CD163L1: variants seen among roughly 807,000 people sequenced by gnomAD.
The protein encoded by CD163L1 is CD163 molecule like 1.
CD163L1 carries 124 observed loss-of-function variants against 165.4 expected under a neutral mutation model. The ratio of observed to expected loss-of-function variants is 0.75; its 90% confidence interval spans 0.65 to 0.87. The LOEUF is 0.87. Ranked by LOEUF, CD163L1 falls within the 40% of genes least tolerant of loss-of-function variation. CD163L1 has a pLI of 0.00. For missense variants in CD163L1, 1,525 were observed against 1,799.9 expected (o/e 0.85, Z 2.76); for synonymous variants, 585 against 662.2 (o/e 0.88, Z 1.79).
the CD163L1 span, among the ~76,000 whole-genome samples, chr12:7,321,724 G>A: frequency 6.6e-6 from 1 of 152,230 alleles, no homozygotes; most frequent in Non-Finnish European, 1.5e-5. Flanking sequence ...AGTAAGGCTA[G>A]TGGTTAAAAG....
At chr12:7,417,676 G>T (rs989431795) in intron 4 of CD163L1, among the ~76,000 whole-genome samples, 2 of 152,020 alleles carry the variant, frequency 1.3e-5, no homozygotes, top group African/African-American at 4.8e-5. Context: ...TAATCATGTG[G>T]TTTTTGTCAT....
the CD163L1 span, among the ~76,000 whole-genome samples, chr12:7,325,347 G>A: frequency 2.0e-5 from 3 of 152,204 alleles, no homozygotes; most frequent in African/African-American, 7.2e-5. Context: ...ACAGAAACAA[G>A]ACAAATAGAA....
In CD163L1 at chr12:7,403,565, G is replaced by A. The variant is rs779798186; in HGVS notation, c.1378C>T (p.Arg460Ter). Reference protein sequence around the residue: ...YDGKAKRTCFRRSDAGVICSD... With the variant: ...YDGKAKRTCF The stretch of plus-strand genomic sequence containing the variant: ...CAAATTACTCCAGCATCTGATCTTC[G>A]GAAGCATGTTCGCTTTGCTTTTCCA... The change falls in exon 6 of 20, where the codon CGA (arginine) becomes TGA (stop). Residue 460 changes from arginine to a stop codon, truncating the protein, a stop_gained. Transcript: ENST00000313599. LOFTEE classifies it high-confidence loss of function. The A allele has an allele frequency of 6.8e-6, 11 of 1,613,406 alleles. No homozygotes were observed. Among genetic ancestry groups the A allele is most frequent in the Admixed American group, 5.0e-5 (3 of 59,898 alleles).
chr12:7,365,207 A>G (rs1488641643), intron 18 of CD163L1, among the ~76,000 whole-genome samples: 6 of 152,064 alleles, frequency 3.9e-5, no homozygotes, highest in African/African-American at 9.7e-5. Flanking sequence ...GGAAAACTGG[A>G]TAACCACATG....
chr12:7,353,890 A>G (rs1023281104), downstream of CD163L1, among the ~76,000 whole-genome samples: 3 of 152,112 alleles, frequency 2.0e-5, no homozygotes, highest in African/African-American at 7.2e-5. Context: ...TGAAATATAT[A>G]TTAATTGGCT....
At chr12:7,429,758 T>G (rs1948599204) in intron 4 of CD163L1, among the ~76,000 whole-genome samples, 2 of 152,170 alleles carry the variant, frequency 1.3e-5, no homozygotes, top group African/African-American at 4.8e-5. Context: ...CTTCTTAACT[T>G]CTGTCTCTGC....
At chr12:7,337,038 T>G in the CD163L1 span, among the ~76,000 whole-genome samples, 10 of 152,152 alleles carry the variant, frequency 6.6e-5, no homozygotes, top group African/African-American at 2.4e-4. Flanking sequence ...CCATCTGATC[T>G]TCCACAAACC....
At chr12:7,345,667 A>C (rs1015930687), downstream of CD163L1, among the ~76,000 whole-genome samples, 8 of 152,176 alleles carry the variant, frequency 5.3e-5, no homozygotes, top group African/African-American at 9.7e-5. Flanking sequence ...CCACAGCACC[A>C]ATTTTCTGTG....
chr12:7,323,366 C>A, the CD163L1 span: 2 of 1,596,352 alleles, frequency 1.3e-6, no homozygotes, highest in Non-Finnish European at 1.7e-6. Flanking sequence ...GAACGTTTTC[C>A]TTTTCTGCTA....
chr12:7,379,390 G>T, intron 8 of CD163L1, 92 bp from the exon 9 acceptor site: 1 of 1,293,818 alleles, frequency 7.7e-7, no homozygotes, highest in African/African-American at 1.5e-5. Flanking sequence ...ATAGACCAGT[G>T]GCCAAAAGTT....
chr12:7,386,604 C>CA (rs71067187), intron 8 of CD163L1, among the ~76,000 whole-genome samples: 26,322 of 117,154 alleles, frequency 0.22, 3,011 homozygotes, highest in Admixed American at 0.33. Flanking sequence ...GTCAACATAT[C>CA]AAAAAAAAAA....
chr12:7,359,352 A>C (rs1172071971), intron 18 of CD163L1, among the ~76,000 whole-genome samples: 1 of 152,120 alleles, frequency 6.6e-6, no homozygotes, highest in Non-Finnish European at 1.5e-5. Context: ...ACAAATAAAA[A>C]ATATTAAAAG....
At chr12:7,388,975 A>G (rs898200846) in intron 8 of CD163L1, among the ~76,000 whole-genome samples, 29 of 152,206 alleles carry the variant, frequency 1.9e-4, no homozygotes, top group African/African-American at 6.8e-4. Flanking sequence ...CTTTGTGTAT[A>G]TGTACCACAT....
At chr12:7,328,558 T>C in the CD163L1 span, 3 of 371,032 alleles carry the variant, frequency 8.1e-6, no homozygotes, top group Non-Finnish European at 1.5e-5. Context: ...CAAAAACGTA[T>C]GGATGAAAAT....
chr12:7,415,600 T>C (rs923000708), intron 4 of CD163L1, among the ~76,000 whole-genome samples: 3 of 150,650 alleles, frequency 2.0e-5, no homozygotes, highest in African/African-American at 7.3e-5. Flanking sequence ...CAACAGGCCC[T>C]GGTGTGTGAT....
At chr12:7,421,087 G>GTATA (rs1491330113) in intron 4 of CD163L1, among the ~76,000 whole-genome samples, 1 of 94,056 alleles carries the variant, frequency 1.1e-5, no homozygotes, top group African/African-American at 6.7e-5. Context: ...ATATATATAC[G>GTATA]TATATATATG....
At chr12:7,441,788 T>A (rs1768189656) in intron 1 of CD163L1, among the ~76,000 whole-genome samples, 1 of 152,224 alleles carries the variant, frequency 6.6e-6, no homozygotes, top group Admixed American at 6.5e-5. Flanking sequence ...GAGGTCACTA[T>A]AATAACTGCT....
chr12:7,409,704 G>A lies in CD163L1; in HGVS notation c.767-2852C>T, dbSNP rs770543452. Among the ~76,000 whole-genome samples, 305 of 152,294 alleles carry A rather than the reference G, an allele frequency of 2.0e-3. 1 individual carries two copies. The highest frequency in any genetic ancestry group is 6.7e-3 in the African/African-American group (280 of 41,572). ...ACCCCTGTCGTAAAGGGTACATTTC[G>A]AGAAATAAGGACTAGAACAGACTAG... On this transcript the variant is annotated intron_variant, in intron 4 of 19. Coordinates refer to ENST00000313599, the MANE Select transcript of CD163L1 (RefSeq NM_174941.6).
the CD163L1 span, chr12:7,326,944 A>C: frequency 6.4e-7 from 1 of 1,560,180 alleles, no homozygotes; most frequent in South Asian, 1.2e-5. Flanking sequence ...TGAAAAACAA[A>C]TGAGCAAGAT....
Sources: gnomAD v4.1 joint callset for allele counts (sites outside exome capture counted in the v4.1 genomes callset) on GRCh38, gnomAD v4.1.1 for gene constraint, MANE v1.5 for transcripts, NCBI Gene and HGNC (gene_info 2026-07-23, HGNC 2026-07-21) for gene names.